Variants in SH3GL3 observed in about 807,000 individuals in gnomAD.
SH3GL3 encodes endophilin-A3.
In SH3GL3, 33 loss-of-function variants were observed where a neutral mutation model predicts 47.7. The ratio of observed to expected loss-of-function variants is 0.69; its 90% CI spans 0.52 to 0.92. The LOEUF (loss-of-function observed/expected upper bound fraction) is 0.92. Among genes scored for constraint, SH3GL3 ranks in the 40% least tolerant of loss-of-function variants. SH3GL3 has a pLI of 0.00. For synonymous variants in SH3GL3, 155 were observed against 148.8 expected (o/e 1.04, Z -0.30); for missense variants, 363 against 417.8 (o/e 0.87, Z 1.14).
At chr15:83,613,669 A>ATCTG (rs959922332) in intron 8 of SH3GL3, among the ~76,000 whole-genome samples, 2 of 143,148 alleles carry the variant, frequency 1.4e-5, no homozygotes, top group African/African-American at 5.2e-5. Context: ...CTATCTATCT[A>ATCTG]TCTATCATTA....
chr15:83,602,191 C>T (rs2732162), intron 8 of SH3GL3, among the ~76,000 whole-genome samples: 39,114 of 152,038 alleles, frequency 0.26, 5,778 homozygotes, highest in Non-Finnish European at 0.33. Context: ...CTTACACCCG[C>T]AAGGTGGAAA....
chr15:83,500,684 T>G (rs962972343), intron 1 of SH3GL3, among the ~76,000 whole-genome samples: 6 of 152,186 alleles, frequency 3.9e-5, no homozygotes, highest in Non-Finnish European at 8.8e-5. Flanking sequence ...TTTCCCTTCC[T>G]TTCTCCCTTC....
intron 1 of SH3GL3, among the ~76,000 whole-genome samples, chr15:83,496,694 A>G (rs1018971436): frequency 6.6e-6 from 1 of 152,050 alleles, no homozygotes; most frequent in Non-Finnish European, 1.5e-5. Flanking sequence ...ACCAGTTTTG[A>G]CACCTCTTGG....
At chr15:83,490,254 A>G (rs1174354223) in intron 1 of SH3GL3, among the ~76,000 whole-genome samples, 1 of 142,406 alleles carries the variant, frequency 7.0e-6, no homozygotes, top group African/African-American at 2.7e-5. Context: ...CTGCCCCTTT[A>G]GTGATTTTGC....
chr15:83,495,859 AT>A (rs1418953431), intron 1 of SH3GL3, among the ~76,000 whole-genome samples: 1 of 152,120 alleles, frequency 6.6e-6, no homozygotes, highest in Non-Finnish European at 1.5e-5. Context: ...ACATCAAAGG[AT>A]TTGAACAATT....
At chr15:83,631,379 G>A in the SH3GL3 span, among the ~76,000 whole-genome samples, 2 of 152,218 alleles carry the variant, frequency 1.3e-5, no homozygotes, top group African/African-American at 4.8e-5. Context: ...CCTCAGTGGG[G>A]ACTCTGTGTG....
intron 8 of SH3GL3, among the ~76,000 whole-genome samples, chr15:83,591,809 C>G (rs2151813612): frequency 6.6e-6 from 1 of 152,306 alleles, no homozygotes; most frequent in Middle Eastern, 3.4e-3. Context: ...CCTCGGCCCC[C>G]CGAGTAGCTG....
chr15:83,621,616 A>T (rs985514574), downstream of SH3GL3, among the ~76,000 whole-genome samples: 6 of 152,264 alleles, frequency 3.9e-5, no homozygotes, highest in African/African-American at 1.4e-4. Context: ...AAGAATTACC[A>T]AAGTGTGACA....
chr15:83,475,568 C>T (rs547704545), intron 1 of SH3GL3, among the ~76,000 whole-genome samples: 6 of 152,314 alleles, frequency 3.9e-5, no homozygotes, highest in Non-Finnish European at 8.8e-5. Context: ...CTGCTATTCA[C>T]ATTGGTGTCA....
intron 1 of SH3GL3, among the ~76,000 whole-genome samples, chr15:83,519,370 G>A (rs147651488): frequency 1.2e-4 from 18 of 152,212 alleles, no homozygotes; most frequent in African/African-American, 2.9e-4. Flanking sequence ...ACTTCTCCTC[G>A]TAGACATATT....
At chr15:83,611,637 A>T (rs1333501891) in intron 8 of SH3GL3, 1 of 152,440 alleles carries the variant, frequency 6.6e-6, no homozygotes, top group African/African-American at 2.4e-5. Context: ...TGGATGAGGA[A>T]CTGCCAGCTG....
At chr15:83,597,868 G>A (rs767363220) in intron 8 of SH3GL3, among the ~76,000 whole-genome samples, 1 of 152,094 alleles carries the variant, frequency 6.6e-6, no homozygotes, top group Non-Finnish European at 1.5e-5. Flanking sequence ...TCGGCCTCCC[G>A]AAGTGCTGGG....
downstream of SH3GL3, among the ~76,000 whole-genome samples, chr15:83,619,311 G>A (rs186707215): frequency 3.9e-4 from 60 of 152,216 alleles, no homozygotes; most frequent in Non-Finnish European, 6.6e-4. Context: ...AGCAAATATT[G>A]CAATAAAACA....
At chr15:83,500,581 G>T (rs1466522959) in intron 1 of SH3GL3, among the ~76,000 whole-genome samples, 1 of 152,220 alleles carries the variant, frequency 6.6e-6, no homozygotes, top group African/African-American at 2.4e-5. Context: ...GCTGTCCAAG[G>T]GCTGGAGGGT....
At chr15:83,560,421 TTAAAACCA>T (rs956342865) in intron 2 of SH3GL3, among the ~76,000 whole-genome samples, 12 of 152,220 alleles carry the variant, frequency 7.9e-5, no homozygotes, top group Non-Finnish European at 1.8e-4. Flanking sequence ...TTTCTGAACC[TTAAAACCA>T]TGGAAACATG....
At chr15:83,480,340 C>G in intron 1 of SH3GL3, among the ~76,000 whole-genome samples, 1 of 152,188 alleles carries the variant, frequency 6.6e-6, no homozygotes. Flanking sequence ...AATAAAATAG[C>G]AACCCTGTAC....
intron 1 of SH3GL3, among the ~76,000 whole-genome samples, chr15:83,496,970 T>G (rs1315168826): frequency 2.0e-5 from 3 of 152,136 alleles, no homozygotes; most frequent in African/African-American, 7.2e-5. Flanking sequence ...GGCAGCTCCC[T>G]TTCTCACAGA....
rs2040760155 is a variant in SH3GL3, at chr15:83,470,046, C to G, written c.45+22468C>G. ...TCTACTTGGTGCACTCACTCTTTTA[C>G]TATCATATAATGTTCCTGTCTCTGA... On this transcript the variant is annotated intron_variant, in intron 1 of 8. Coordinates refer to ENST00000427482, the MANE Select transcript of SH3GL3 (RefSeq NM_003027.5). 2.6e-5 allele frequency among the ~76,000 whole-genome samples: 4 copies of G among 152,252 alleles called. No homozygotes were observed. The South Asian group carries it at 8.3e-4, about 32-fold the overall frequency.
the SH3GL3 span, among the ~76,000 whole-genome samples, chr15:83,627,251 G>A: frequency 6.6e-6 from 1 of 152,074 alleles, no homozygotes; most frequent in Non-Finnish European, 1.5e-5. Flanking sequence ...CAAAAAATTA[G>A]CTGGGCATGG....
Sources: gnomAD v4.1 joint callset for allele counts (sites outside exome capture counted in the v4.1 genomes callset) on GRCh38, gnomAD v4.1.1 for gene constraint, MANE v1.5 for transcripts, NCBI Gene and HGNC (gene_info 2026-07-23, HGNC 2026-07-21) for gene names.